The following PBX1 variants were observed in gnomAD, a reference collection of about 807,000 sequenced individuals.
PBX1 encodes pre-B-cell leukemia transcription factor 1.
In PBX1, 6 loss-of-function variants were observed where a neutral mutation model predicts 53.4. The observed-to-expected ratio is 0.11, with a 90% confidence interval of 0.06 to 0.22. The LOEUF (loss-of-function observed/expected upper bound fraction) is 0.22, where lower values mean the gene tolerates loss of function less well. PBX1 is among the 10% of genes least tolerant of loss of function. The pLI, the probability that PBX1 is intolerant of heterozygous loss-of-function variation, is 1.00. For synonymous variants in PBX1, 204 were observed against 212.3 expected (o/e 0.96, Z 0.34); for missense variants, 251 against 551.4 (o/e 0.46, Z 5.46).
intron 2 of PBX1, among the ~76,000 whole-genome samples, chr1:164,568,817 T>C (rs1653622855): frequency 6.6e-6 from 1 of 152,224 alleles, no homozygotes; most frequent in Non-Finnish European, 1.5e-5. Flanking sequence ...TCTCGGAACT[T>C]AGCAGAGTGA....
intron 2 of PBX1, among the ~76,000 whole-genome samples, chr1:164,671,836 C>A (rs1002004490): frequency 2.0e-5 from 3 of 152,126 alleles, no homozygotes; most frequent in African/African-American, 7.2e-5. Flanking sequence ...ATCCTGGTAT[C>A]TGCCAGCCCA....
At chr1:164,636,256 G>C (rs749062267) in intron 2 of PBX1, among the ~76,000 whole-genome samples, 1 of 152,038 alleles carries the variant, frequency 6.6e-6, no homozygotes, top group Non-Finnish European at 1.5e-5. Context: ...AGTTTCTTGG[G>C]TTAACCAAGG....
At chr1:164,661,480 G>A (rs1241132278) in intron 2 of PBX1, among the ~76,000 whole-genome samples, 1 of 148,136 alleles carries the variant, frequency 6.8e-6, no homozygotes, top group East Asian at 2.0e-4. Flanking sequence ...AGGCTGGAGT[G>A]CAATGGTATG....
chr1:164,633,534 G>A (rs770432566), intron 2 of PBX1, among the ~76,000 whole-genome samples: 3 of 152,072 alleles, frequency 2.0e-5, no homozygotes, highest in Non-Finnish European at 4.4e-5. Flanking sequence ...TATTATTTGG[G>A]GTCTCAGTAT....
At position 164,559,847 on chromosome 1, in the gene PBX1, C is replaced by G; in HGVS notation, c.25C>G (p.His9Asp). 1 of 1,549,790 alleles carries G rather than the reference C, an allele frequency of 6.5e-7. No individual in the cohort carries two copies. The highest frequency in any genetic ancestry group is 8.7e-7 in the Non-Finnish European group (1 of 1,146,616). Residue 9 changes from histidine to aspartate, a missense_variant, in exon 1 of 9, where the codon CAT becomes GAT. His to Asp is a moderately conservative substitution (Grantham distance 81, BLOSUM62 -1). Around this residue, in one of 4 missense-constraint regions of PBX1, gnomAD observed 63 missense variants for 78.7 expected, o/e 0.80. Coordinates refer to ENST00000420696, the MANE Select transcript of PBX1 (RefSeq NM_002585.4). ...GATGGACGAGCAGCCCAGGCTGATG[C>G]ATTCCCATGCTGGGGTCGGGATGGC... MDEQPRLM[H>D]SHAGVGMAGH...
chr1:164,603,236 T>C (rs1338908659), intron 2 of PBX1, among the ~76,000 whole-genome samples: 2 of 152,134 alleles, frequency 1.3e-5, no homozygotes, highest in East Asian at 3.9e-4. Flanking sequence ...TTTCCTTTTA[T>C]CTCTTTGTGT....
chr1:164,691,011 C>CTT (rs386368555), intron 2 of PBX1, among the ~76,000 whole-genome samples: 41,244 of 106,368 alleles, frequency 0.39, 9,352 homozygotes, highest in Non-Finnish European at 0.49. Flanking sequence ...GTTGTTAAAT[C>CTT]TTTTTTTTTT....
At chr1:164,786,361 G>A (rs900137152) in intron 2 of PBX1, among the ~76,000 whole-genome samples, 3 of 152,182 alleles carry the variant, frequency 2.0e-5, no homozygotes, top group Admixed American at 1.3e-4. Flanking sequence ...TAGGCAGTAC[G>A]TGCCCTGGTG....
At chr1:164,669,306 T>C (rs781038702) in intron 2 of PBX1, among the ~76,000 whole-genome samples, 47 of 152,298 alleles carry the variant, frequency 3.1e-4, no homozygotes, top group Middle Eastern at 3.4e-3. Context: ...CTTATTGATA[T>C]AGCTCCAGTG....
intron 2 of PBX1, among the ~76,000 whole-genome samples, chr1:164,708,585 GTTGCC>G (rs1663581184): frequency 6.6e-6 from 1 of 152,012 alleles, no homozygotes; most frequent in Admixed American, 6.5e-5. Context: ...AGTATCTATT[GTTGCC>G]ATCTTTACGT....
chr1:164,802,955 A>C (rs1205107165), intron 4 of PBX1, among the ~76,000 whole-genome samples: 1 of 152,128 alleles, frequency 6.6e-6, no homozygotes, highest in East Asian at 1.9e-4. Flanking sequence ...TTTTTCTATA[A>C]CATTTTTCTG....
rs186632719 is a variant in PBX1, at chr1:164,861,762, G to A, written n.257+30279G>A. Among the ~76,000 whole-genome samples, 16 of 152,316 alleles carry A rather than the reference G, an allele frequency of 1.1e-4. No homozygotes were observed. The East Asian group carries it at 2.5e-3, about 24-fold the overall frequency. ...AAAAAGGTGATTTTGAGCAAGCTGT[G>A]GAAGGAATAAGGAAATAAACCATTA... On this transcript the variant is annotated intron_variant and non_coding_transcript_variant, in intron 2 of 2. Coordinates refer to the PBX1 transcript ENST00000558796.
chr1:164,861,036 A>G (rs950620832), intron 2 of PBX1, among the ~76,000 whole-genome samples: 4 of 152,048 alleles, frequency 2.6e-5, no homozygotes, highest in Admixed American at 2.0e-4. Context: ...AATTGAAGGA[A>G]CAAAAAAGAG....
intron 2 of PBX1, among the ~76,000 whole-genome samples, chr1:164,612,620 AT>A (rs372208665): frequency 0.018 from 2,714 of 149,352 alleles, 26 homozygotes; most frequent in Middle Eastern, 0.024. Flanking sequence ...TTGTATTTAC[AT>A]TTTTTTTTTG....
chr1:164,835,734 G>A (rs1316108780), intron 8 of PBX1, among the ~76,000 whole-genome samples: 2 of 152,150 alleles, frequency 1.3e-5, no homozygotes, highest in Non-Finnish European at 2.9e-5. Flanking sequence ...AGTGGAGGAG[G>A]ACTCCTGTGG....
intron 8 of PBX1, among the ~76,000 whole-genome samples, chr1:164,841,810 T>C (rs1039239832): frequency 3.9e-5 from 6 of 152,102 alleles, no homozygotes; most frequent in Non-Finnish European, 8.8e-5. Context: ...GTCTCTGTTT[T>C]TCTTCCCGGC....
At chr1:164,575,229 C>T (rs1654138600) in intron 2 of PBX1, among the ~76,000 whole-genome samples, 1 of 152,186 alleles carries the variant, frequency 6.6e-6, no homozygotes, top group African/African-American at 2.4e-5. Flanking sequence ...GTCTGGCCCT[C>T]ACCTTGGAAT....
intron 2 of PBX1, among the ~76,000 whole-genome samples, chr1:164,768,754 G>A (rs1412677045): frequency 6.6e-6 from 1 of 152,188 alleles, no homozygotes; most frequent in African/African-American, 2.4e-5. Flanking sequence ...CTACTTGTGT[G>A]AGATAAGAAA....
At chr1:164,664,856 C>A (rs1660715658) in intron 2 of PBX1, among the ~76,000 whole-genome samples, 1 of 152,078 alleles carries the variant, frequency 6.6e-6, no homozygotes, top group Admixed American at 6.5e-5. Flanking sequence ...ATCAAGAGAA[C>A]AACGTGGGAA....
Sources: allele counts gnomAD v4.1 joint callset (sites outside exome capture counted in the v4.1 genomes callset), GRCh38; gene constraint gnomAD v4.1.1; regional missense constraint gnomAD v4.1.1; transcripts MANE v1.5; gene names NCBI Gene and HGNC (gene_info 2026-07-23, HGNC 2026-07-21).